The following TGFBR1 variants were observed in gnomAD, a reference collection of about 807,000 sequenced individuals.
The protein encoded by TGFBR1 is TGF-beta receptor type-1.
A neutral mutation model predicts 55.1 loss-of-function variants in TGFBR1; 20 were observed. The observed-to-expected ratio is 0.36, with a 90% confidence interval of 0.26 to 0.53. TGFBR1 has a LOEUF of 0.53. TGFBR1 is among the 20% of genes least tolerant of loss of function. The pLI is 0.91. For missense variants in TGFBR1, 385 were observed against 617.6 expected (o/e 0.62, Z 3.99); for synonymous variants, 220 against 214.8 (o/e 1.02, Z -0.21).
chr9:99,106,979 G>A (rs1342920565), intron 1 of TGFBR1, among the ~76,000 whole-genome samples: 2 of 152,204 alleles, frequency 1.3e-5, no homozygotes, highest in Non-Finnish European at 2.9e-5. Flanking sequence ...ATGAAACACA[G>A]GTAACATTTC....
chr9:99,115,889 A>T (rs1189466998), intron 1 of TGFBR1, among the ~76,000 whole-genome samples: 1 of 152,192 alleles, frequency 6.6e-6, no homozygotes, highest in Non-Finnish European at 1.5e-5. Context: ...TTGGGAAAAA[A>T]ATTACAAATC....
chr9:99,149,277 T>G lies in TGFBR1; in HGVS notation c.1484T>G (p.Leu495Arg), dbSNP rs1268821663. ...CGGATTAAGAAAACATTATCGCAAC[T>G]CAGTCAACAGGAAGGCATCAAAATG... ...ALRIKKTLSQ[L>R]SQQEGIKM Residue 495 changes from leucine to arginine, a missense_variant, in exon 9 of 9, where the codon CTC becomes CGC. By Grantham distance (102) the Leu-to-Arg change is moderately radical (BLOSUM62 -2). Coordinates refer to ENST00000374994, the MANE Select transcript of TGFBR1 (RefSeq NM_004612.4). 1 of 1,613,726 alleles carries G rather than the reference T, an allele frequency of 6.2e-7. No homozygotes were observed. Among genetic ancestry groups the G allele is most frequent in the African/African-American group, 1.3e-5 (1 of 74,888 alleles).
rs1469522623 is a variant in TGFBR1 at position 99,137,896 on chromosome 9, T to A, written c.612T>A (p.Thr204=). Residue 204 remains threonine, a synonymous_variant, in exon 4 of 9, where the codon ACT becomes ACA. Coordinates refer to ENST00000374994, the MANE Select transcript of TGFBR1 (RefSeq NM_004612.4). ...PLLVQRTIAR[T]IVLQESIGKG... is the part of the protein sequence containing the mutation. ...TTGTTCAGAGAACAATTGCGAGAAC[T>A]ATTGTGTTACAAGAAAGCATTGGCA... The A allele has an allele frequency of 6.2e-7, 1 of 1,614,042 alleles. No homozygotes were observed. The highest frequency in any genetic ancestry group is 2.2e-5 in the East Asian group (1 of 44,864).
intron 1 of TGFBR1, among the ~76,000 whole-genome samples, 177 bp downstream of exon 1, chr9:99,105,479 A>G (rs1199235733): frequency 1.3e-5 from 2 of 148,922 alleles, no homozygotes; most frequent in African/African-American, 4.9e-5. Context: ...GCGAACCGCA[A>G]GCGGGGAGCG....
At chr9:99,137,431 G>T (rs1039516976) in intron 3 of TGFBR1, among the ~76,000 whole-genome samples, 1 of 152,016 alleles carries the variant, frequency 6.6e-6, no homozygotes, top group Non-Finnish European at 1.5e-5. Context: ...TTTGAGCTTG[G>T]TATTCAGTAC....
chr9:99,110,181 G>C (rs1389074336), intron 1 of TGFBR1, among the ~76,000 whole-genome samples: 2 of 152,054 alleles, frequency 1.3e-5, no homozygotes, highest in African/African-American at 2.4e-5. Context: ...CAATTTTATA[G>C]ATCAGATCAA....
intron 3 of TGFBR1, among the ~76,000 whole-genome samples, chr9:99,136,263 G>A (rs1265496595): frequency 6.6e-6 from 1 of 152,198 alleles, no homozygotes; most frequent in African/African-American, 2.4e-5. Flanking sequence ...CTAGAATCCA[G>A]TGATAAAGGG....
At chr9:99,126,097 T>C (rs1396186247) in intron 1 of TGFBR1, among the ~76,000 whole-genome samples, 1 of 152,104 alleles carries the variant, frequency 6.6e-6, no homozygotes, top group Non-Finnish European at 1.5e-5. Context: ...CCTGTTGAAA[T>C]AGGGTCTTAA....
intron 4 of TGFBR1, among the ~76,000 whole-genome samples, chr9:99,138,928 G>T (rs755144142): frequency 7.2e-5 from 11 of 152,020 alleles, no homozygotes; most frequent in Non-Finnish European, 1.5e-4. Context: ...TTCTCGAGTA[G>T]CTGGGACTAC....
rs2118725308 is a variant in TGFBR1 at position 99,138,109 on chromosome 9, C to A, written c.805+20C>A. ...ATAAAGGTCTGTAACATTTGCTTTTCCTTATGTTATATATAACAAGATCTC... is the reference window on the plus strand; with the variant it reads ...ATAAAGGTCTGTAACATTTGCTTTTACTTATGTTATATATAACAAGATCTC... On this transcript the variant is annotated intron_variant, in intron 4 of 8. Transcript: ENST00000374994. 1.3e-6 allele frequency: 2 copies of A among 1,596,396 alleles called. No individual in the cohort carries two copies. The highest frequency in any genetic ancestry group is 1.7e-6 in the Non-Finnish European group (2 of 1,164,182).
chr9:99,125,423 A>G (rs1827011472), intron 1 of TGFBR1, among the ~76,000 whole-genome samples: 1 of 152,232 alleles, frequency 6.6e-6, no homozygotes, highest in Admixed American at 6.5e-5. Context: ...AACATTGCAT[A>G]CCTACAATTA....
intron 1 of TGFBR1, among the ~76,000 whole-genome samples, chr9:99,120,788 CT>C (rs1826875326): frequency 6.6e-6 from 1 of 152,184 alleles, no homozygotes; most frequent in Non-Finnish European, 1.5e-5. Context: ...TTTTTAAAGG[CT>C]CTGACTCTTC....
At chr9:99,107,233 C>T (rs1329752599) in intron 1 of TGFBR1, among the ~76,000 whole-genome samples, 3 of 152,204 alleles carry the variant, frequency 2.0e-5, no homozygotes, top group Admixed American at 1.3e-4. Flanking sequence ...ATGATGATGC[C>T]TCAGTCCACC....
chr9:99,133,684 C>T (rs974994231), intron 3 of TGFBR1, among the ~76,000 whole-genome samples: 16 of 152,140 alleles, frequency 1.1e-4, no homozygotes, highest in African/African-American at 3.9e-4. Context: ...GATAAAAACA[C>T]TTCAAGTGGT....
intron 4 of TGFBR1, among the ~76,000 whole-genome samples, chr9:99,142,157 T>C (rs1319128815): frequency 6.6e-6 from 1 of 151,966 alleles, no homozygotes; most frequent in Admixed American, 6.6e-5. Flanking sequence ...TGTTCCTTCC[T>C]TTTTTTTAAC....
chr9:99,146,118 C>CGT (rs1554702158), intron 6 of TGFBR1, among the ~76,000 whole-genome samples: 7 of 152,060 alleles, frequency 4.6e-5, no homozygotes, highest in Non-Finnish European at 8.8e-5. Context: ...GGAGTATATT[C>CGT]GTGCCCTTCC....
chr9:99,136,170 A>G (rs1193341624), intron 3 of TGFBR1, among the ~76,000 whole-genome samples: 1 of 152,120 alleles, frequency 6.6e-6, no homozygotes, highest in Non-Finnish European at 1.5e-5. Context: ...TTAACTTTTT[A>G]AAAATGCTCA....
chr9:99,147,511 T>G, intron 7 of TGFBR1, 143 bp from the exon 8 acceptor site: 21 of 754,982 alleles, frequency 2.8e-5, no homozygotes, highest in African/African-American at 3.5e-5. Context: ...CAGATGTGGA[T>G]GAGATAGAGA....
intron 4 of TGFBR1, 83 bp downstream of exon 4, chr9:99,138,172 A>G: frequency 2.5e-6 from 3 of 1,214,142 alleles, no homozygotes; most frequent in Non-Finnish European, 3.6e-6. Flanking sequence ...ACCATCATCA[A>G]AGTAGATGAG....
Sources: gnomAD v4.1 joint callset for allele counts (sites outside exome capture counted in the v4.1 genomes callset) on GRCh38, gnomAD v4.1.1 for gene constraint, MANE v1.5 for transcripts, NCBI Gene and HGNC (gene_info 2026-07-23, HGNC 2026-07-21) for gene names.